ARSB: variants seen among roughly 807,000 people sequenced by gnomAD.
ARSB encodes arylsulfatase B.
ARSB carries 41 observed loss-of-function variants against 50.9 expected under a neutral mutation model. The observed-to-expected ratio is 0.81, with a 90% CI of 0.63 to 1.04. The LOEUF is 1.04. Ranked by LOEUF, ARSB falls within the 50% of genes least tolerant of loss-of-function variation. The pLI, the probability that ARSB is intolerant of heterozygous loss-of-function variation, is 0.00. For synonymous variants in ARSB, 269 were observed against 284.8 expected (o/e 0.94, Z 0.56); for missense variants, 672 against 693.3 (o/e 0.97, Z 0.35).
intron 5 of ARSB, among the ~76,000 whole-genome samples, chr5:78,854,360 T>G (rs1746034508): frequency 6.6e-6 from 1 of 152,280 alleles, no homozygotes; most frequent in Non-Finnish European, 1.5e-5. Context: ...TGTAGGCATC[T>G]ATTGCTATAC....
intron 6 of ARSB, among the ~76,000 whole-genome samples, chr5:78,797,673 T>C (rs1055403142): frequency 6.6e-6 from 1 of 152,178 alleles, no homozygotes; most frequent in Non-Finnish European, 1.5e-5. Flanking sequence ...GCCATCCTGC[T>C]TTTTGGGGTA....
chr5:78,923,325 C>T (rs1358260791), intron 4 of ARSB, among the ~76,000 whole-genome samples: 1 of 152,220 alleles, frequency 6.6e-6, no homozygotes, highest in African/African-American at 2.4e-5. Context: ...CCCAGCACAC[C>T]TGGGTTATGC....
chr5:78,836,011 G>A (rs552403563), intron 6 of ARSB, among the ~76,000 whole-genome samples: 2 of 152,142 alleles, frequency 1.3e-5, no homozygotes, highest in African/African-American at 4.8e-5. Context: ...CTCCACAAAA[G>A]CCTCTGTGCT....
intron 4 of ARSB, among the ~76,000 whole-genome samples, chr5:78,942,315 C>A (rs938930430): frequency 3.3e-5 from 5 of 152,062 alleles, no homozygotes; most frequent in Admixed American, 6.6e-5. Context: ...TATTCCTTGC[C>A]TTCTGCTAGC....
At chr5:78,964,113 C>T (rs541988230) in intron 3 of ARSB, among the ~76,000 whole-genome samples, 1 of 152,282 alleles carries the variant, frequency 6.6e-6, no homozygotes, top group East Asian at 1.9e-4. Context: ...ATACTACCAA[C>T]ATAGTATTCC....
At chr5:78,975,076 C>T (rs1752609426) in intron 1 of ARSB, among the ~76,000 whole-genome samples, 1 of 152,224 alleles carries the variant, frequency 6.6e-6, no homozygotes, top group Admixed American at 6.5e-5. Context: ...CATGCACTTT[C>T]CCCAATCCCT....
chr5:78,967,278 GA>G lies in ARSB; in HGVS notation c.499+1727del, dbSNP rs1561531931. Among the ~76,000 whole-genome samples, 4 of 152,184 alleles carry G rather than the reference GA, an allele frequency of 2.6e-5. No individual in the cohort carries two copies. The South Asian group carries it at 8.3e-4, about 32-fold the overall frequency. The stretch of plus-strand genomic sequence containing the variant: ...AAATTTCTGTCAGGCCTAAGAGCCA[GA>G]AAATGCTTTTGCTTTTCCTGAACAT... On this transcript the variant is annotated intron_variant, in intron 2 of 7. Coordinates refer to ENST00000264914, the MANE Select transcript of ARSB (RefSeq NM_000046.5).
chr5:78,817,343 A>T (rs1744032616), intron 6 of ARSB, among the ~76,000 whole-genome samples: 1 of 152,192 alleles, frequency 6.6e-6, no homozygotes, highest in Admixed American at 6.5e-5. Flanking sequence ...TCTATCCTTG[A>T]GCTATATCCT....
chr5:78,914,906 C>T (rs567408355), intron 4 of ARSB, among the ~76,000 whole-genome samples: 1 of 152,174 alleles, frequency 6.6e-6, no homozygotes, highest in Non-Finnish European at 1.5e-5. Flanking sequence ...CTCAAGTGAC[C>T]TGCCTTGGCC....
At chr5:78,839,293 G>GT in intron 6 of ARSB, 63 bp downstream of exon 6, 2 of 1,467,582 alleles carry the variant, frequency 1.4e-6, no homozygotes, top group Non-Finnish European at 1.9e-6. Flanking sequence ...AGACACACTA[G>GT]GTAATCAAAC....
chr5:78,903,405 G>A (rs552397881), intron 4 of ARSB, among the ~76,000 whole-genome samples: 41 of 152,268 alleles, frequency 2.7e-4, no homozygotes, highest in Admixed American at 2.5e-3. Context: ...GTGATTCCTC[G>A]AGACAGCATT....
At chr5:78,897,310 CACTA>C (rs1176400439) in intron 4 of ARSB, among the ~76,000 whole-genome samples, 1 of 152,136 alleles carries the variant, frequency 6.6e-6, no homozygotes, top group South Asian at 2.1e-4. Flanking sequence ...GCCCCCTACT[CACTA>C]ACTATCAGTA....
intron 5 of ARSB, among the ~76,000 whole-genome samples, chr5:78,875,720 T>G (rs1561476945): frequency 1.3e-5 from 2 of 152,020 alleles, no homozygotes; most frequent in Non-Finnish European, 2.9e-5. Flanking sequence ...CAGGCTGAAG[T>G]GCAGCGGCGC....
At chr5:78,889,465 C>T (rs749101942) in intron 4 of ARSB, among the ~76,000 whole-genome samples, 7 of 152,084 alleles carry the variant, frequency 4.6e-5, no homozygotes, top group Non-Finnish European at 8.8e-5. Context: ...AATAAGATGA[C>T]GCCAGCTCCT....
intron 4 of ARSB, among the ~76,000 whole-genome samples, chr5:78,904,663 A>G (rs187872708): frequency 4.0e-4 from 57 of 141,538 alleles, no homozygotes; most frequent in African/African-American, 1.4e-3. Flanking sequence ...AGGCTGTATA[A>G]TTTTCTTTCT....
intron 2 of ARSB, among the ~76,000 whole-genome samples, chr5:78,967,269 TAA>T (rs1355610750): frequency 1.3e-5 from 2 of 152,222 alleles, no homozygotes; most frequent in Non-Finnish European, 2.9e-5. Context: ...CTGTCAGGCC[TAA>T]GAGCCAGAAA....
At chr5:78,847,641 A>G (rs1745506454) in intron 5 of ARSB, among the ~76,000 whole-genome samples, 1 of 152,198 alleles carries the variant, frequency 6.6e-6, no homozygotes, top group Non-Finnish European at 1.5e-5. Context: ...AAGAATTTTT[A>G]TTAGTTCTTT....
chr5:78,795,749 G>T (rs1413240745), intron 6 of ARSB, among the ~76,000 whole-genome samples: 3 of 152,152 alleles, frequency 2.0e-5, no homozygotes, highest in Non-Finnish European at 2.9e-5. Context: ...ACCTACAGGG[G>T]ACAAATTAAA....
At chr5:78,941,127 T>G (rs1027952231) in intron 4 of ARSB, among the ~76,000 whole-genome samples, 1 of 150,690 alleles carries the variant, frequency 6.6e-6, no homozygotes, top group Non-Finnish European at 1.5e-5. Context: ...TTTTTGTATA[T>G]TGATTTTGTA....
Sources: allele counts gnomAD v4.1 joint callset (sites outside exome capture counted in the v4.1 genomes callset), GRCh38; gene constraint gnomAD v4.1.1; transcripts MANE v1.5; gene names NCBI Gene and HGNC (gene_info 2026-07-23, HGNC 2026-07-21).